Variants in PDZD8 observed in about 807,000 individuals in gnomAD.
The protein encoded by PDZD8 is PDZ domain-containing protein 8.
PDZD8 carries 14 observed loss-of-function variants against 85.8 expected under a neutral mutation model. The observed-to-expected ratio is 0.16, with a 90% CI of 0.11 to 0.26. The LOEUF is 0.26. PDZD8 is among the 10% of genes least tolerant of loss of function. PDZD8 has a pLI of 1.00. For synonymous variants in PDZD8, 592 were observed against 568.6 expected, an observed-to-expected ratio of 1.04 and a Z score of -0.59; for missense variants, 1,197 against 1,424.3, an observed-to-expected ratio of 0.84 and a Z score of 2.57.
intron 1 of PDZD8, among the ~76,000 whole-genome samples, chr10:117,365,616 T>C (rs1332368643): frequency 1.3e-5 from 2 of 152,176 alleles, no homozygotes; most frequent in Admixed American, 6.6e-5. Flanking sequence ...GTACTGCTCA[T>C]CTAAAGGTAA....
At chr10:117,336,659 TG>T (rs1384566712) in intron 2 of PDZD8, among the ~76,000 whole-genome samples, 1 of 149,794 alleles carries the variant, frequency 6.7e-6, no homozygotes, top group African/African-American at 2.5e-5. Flanking sequence ...AAAAAAAAGA[TG>T]GGGTCATATC....
intron 3 of PDZD8, among the ~76,000 whole-genome samples, chr10:117,294,585 C>A (rs1034416088): frequency 2.6e-5 from 4 of 152,088 alleles, no homozygotes; most frequent in Non-Finnish European, 5.9e-5. Flanking sequence ...TCACAAGAGC[C>A]AAGCTATGGA....
At chr10:117,323,445 C>CT (rs1844262098) in intron 2 of PDZD8, among the ~76,000 whole-genome samples, 1 of 152,108 alleles carries the variant, frequency 6.6e-6, no homozygotes, top group Non-Finnish European at 1.5e-5. Context: ...AGTTAAACAG[C>CT]TTTTTTATAA....
In PDZD8 at chr10:117,277,528, G is replaced by A. The variant is rs1313485171; in HGVS notation, c.*5740C>T. On this transcript the variant is annotated 3_prime_UTR_variant, in exon 5 of 5. Coordinates refer to ENST00000334464, the MANE Select transcript of PDZD8 (RefSeq NM_173791.5). Reference sequence around the variant, plus strand: ...TATTAAATATCATACAATATATTTTGATGAAATAGGTATTGTGTAAATCTA... The same window carrying A: ...TATTAAATATCATACAATATATTTTAATGAAATAGGTATTGTGTAAATCTA... 1.4e-5 allele frequency: 3 copies of A among 208,442 alleles called. No homozygotes were observed. Among genetic ancestry groups the A allele is most frequent in the Non-Finnish European group, 2.8e-5 (3 of 105,354 alleles). 12.9% of individuals were successfully genotyped at this position (208,442 alleles called of 1,614,324 possible). A position where few individuals can be genotyped will look rare whatever the true frequency, so the allele number is the denominator to read the frequency against.
intron 1 of PDZD8, 70 bp from the exon 2 acceptor site, chr10:117,341,172 A>C: frequency 6.6e-7 from 1 of 1,515,448 alleles, no homozygotes; most frequent in African/African-American, 1.4e-5. Flanking sequence ...AACAAAACTC[A>C]CCTGTACAAA....
chr10:117,292,578 G>A (rs1343252520), intron 3 of PDZD8, among the ~76,000 whole-genome samples: 1 of 149,272 alleles, frequency 6.7e-6, no homozygotes, highest in African/African-American at 2.5e-5. Flanking sequence ...TTTGGAATGT[G>A]TTTTTTTTTT....
At chr10:117,295,947 T>C (rs1827243375) in intron 3 of PDZD8, among the ~76,000 whole-genome samples, 1 of 151,998 alleles carries the variant, frequency 6.6e-6, no homozygotes, top group Admixed American at 6.6e-5. Flanking sequence ...TTTCTGCTCT[T>C]AACACTTCAA....
rs888361808 is a variant in PDZD8 at position 117,370,916 on chromosome 10, G to C, written c.872+3440C>G. Reference sequence around the variant, plus strand: ...AAATAAATCACTTAAGAACAACATAGTTTGTGTGTGTGTGTGTGTGTGTGT... The same window carrying C: ...AAATAAATCACTTAAGAACAACATACTTTGTGTGTGTGTGTGTGTGTGTGT... On this transcript the variant is annotated intron_variant, in intron 1 of 4. Transcript: ENST00000334464. 4.0e-5 allele frequency among the ~76,000 whole-genome samples: 5 copies of C among 124,314 alleles called. No individual in the cohort carries two copies. The South Asian group carries it at 1.3e-3, about 31-fold the overall frequency. The allele number at this position is 124,314 out of a possible 152,430, so 81.6% of individuals were successfully genotyped here.
intron 3 of PDZD8, among the ~76,000 whole-genome samples, chr10:117,295,159 A>C (rs373335374): frequency 6.6e-6 from 1 of 152,150 alleles, no homozygotes; most frequent in East Asian, 1.9e-4. Context: ...AACAAAAAAA[A>C]CCCACCACCA....
At position 117,374,975 on chromosome 10, in the gene PDZD8, C is replaced by G. The variant is rs552806001; in HGVS notation, c.253G>C (p.Glu85Gln). ...EGGATPTAAPETPAPPTRETC... is the reference protein window; with the variant it reads ...EGGATPTAAPQTPAPPTRETC... Reference sequence around the variant, plus strand: ...TCCCGCGTCGGCGGGGCGGGGGTCTCGGGGGCCGCGGTGGGGGTCGCGCCG... The same window carrying G: ...TCCCGCGTCGGCGGGGCGGGGGTCTGGGGGGCCGCGGTGGGGGTCGCGCCG... The change falls in exon 1 of 5, where the codon GAG becomes CAG. Residue 85 changes from glutamate (E) to glutamine (Q), a missense_variant. Transcript: ENST00000334464. The surrounding 1 kb of genome is among the most constrained non-coding windows in gnomAD (Gnocchi z 7.8). The G allele has an allele frequency of 3.1e-6, 5 of 1,600,748 alleles. No individual in the cohort carries two copies. The South Asian group carries it at 5.6e-5, about 18-fold the overall frequency.
At chr10:117,295,556 G>C (rs1178929817) in intron 3 of PDZD8, among the ~76,000 whole-genome samples, 1 of 152,002 alleles carries the variant, frequency 6.6e-6, no homozygotes, top group Non-Finnish European at 1.5e-5. Flanking sequence ...GGTGAATTCT[G>C]AAAGAAAAAA....
chr10:117,313,972 C>G (rs528360386), intron 3 of PDZD8, among the ~76,000 whole-genome samples: 1 of 152,124 alleles, frequency 6.6e-6, no homozygotes. Context: ...CTAAAATGAT[C>G]CCATTATCAT....
chr10:117,334,007 C>A (rs1844474185), intron 2 of PDZD8, among the ~76,000 whole-genome samples: 1 of 152,120 alleles, frequency 6.6e-6, no homozygotes, highest in Non-Finnish European at 1.5e-5. Flanking sequence ...CAAAATTCAA[C>A]AACATGTACA....
At chr10:117,350,100 C>T (rs1411893190) in intron 1 of PDZD8, among the ~76,000 whole-genome samples, 5 of 152,006 alleles carry the variant, frequency 3.3e-5, no homozygotes, top group Admixed American at 6.6e-5. Context: ...ATTCCCAAAA[C>T]AATTCTTTGA....
chr10:117,373,725 A>G (rs543061390), intron 1 of PDZD8, among the ~76,000 whole-genome samples: 6 of 152,038 alleles, frequency 3.9e-5, no homozygotes, highest in African/African-American at 1.4e-4. Context: ...GGTTGCAGTA[A>G]GCCGAGATCG....
intron 3 of PDZD8, among the ~76,000 whole-genome samples, chr10:117,298,961 A>G (rs568355923): frequency 2.0e-5 from 3 of 152,148 alleles, no homozygotes; most frequent in African/African-American, 7.2e-5. Flanking sequence ...ATACGCAATG[A>G]GGCATATAAT....
At chr10:117,351,012 T>G (rs1844796854) in intron 1 of PDZD8, among the ~76,000 whole-genome samples, 1 of 152,216 alleles carries the variant, frequency 6.6e-6, no homozygotes, top group South Asian at 2.1e-4. Flanking sequence ...TTCTTCTGTT[T>G]TGATTTTTAA....
intron 1 of PDZD8, among the ~76,000 whole-genome samples, chr10:117,352,403 A>G (rs556481515): frequency 2.6e-5 from 4 of 152,214 alleles, no homozygotes; most frequent in Non-Finnish European, 5.9e-5. Flanking sequence ...CTCAGTATGT[A>G]GTAGCAAGCC....
intron 3 of PDZD8, among the ~76,000 whole-genome samples, chr10:117,315,692 T>G (rs1305387092): frequency 6.8e-6 from 1 of 148,050 alleles, no homozygotes; most frequent in East Asian, 2.0e-4. Flanking sequence ...TCTGGGAGGG[T>G]AAAACTTAGG....
Sources: allele counts gnomAD v4.1 joint callset (sites outside exome capture counted in the v4.1 genomes callset), GRCh38; gene constraint gnomAD v4.1.1; non-coding constraint Gnocchi (gnomAD v3.1); transcripts MANE v1.5; gene names NCBI Gene and HGNC (gene_info 2026-07-23, HGNC 2026-07-21).